Variants in PLXNC1 observed in about 807,000 individuals in gnomAD.
PLXNC1 encodes the protein plexin-C1.
PLXNC1 carries 75 observed loss-of-function variants against 178.2 expected under a neutral mutation model. The observed-to-expected ratio is 0.42, with a 90% CI of 0.35 to 0.51. PLXNC1 has a LOEUF of 0.51. Among genes scored for constraint, PLXNC1 ranks in the 20% least tolerant of loss-of-function variants. The pLI is 0.02. For missense variants in PLXNC1, 1,503 were observed against 1,984.4 expected, an observed-to-expected ratio of 0.76 and a Z score of 4.61; for synonymous variants, 790 against 779.9, an observed-to-expected ratio of 1.01 and a Z score of -0.22.
At chr12:94,225,592 C>A (rs531704746) in intron 7 of PLXNC1, among the ~76,000 whole-genome samples, 1 of 152,156 alleles carries the variant, frequency 6.6e-6, no homozygotes, top group Non-Finnish European at 1.5e-5. Context: ...GTTGAAAGAA[C>A]GTAGCTCCCC....
chr12:94,206,473 A>C (rs1024417355), intron 4 of PLXNC1, among the ~76,000 whole-genome samples: 4 of 143,112 alleles, frequency 2.8e-5, no homozygotes, highest in Admixed American at 7.2e-5. Context: ...TTTTAAATTA[A>C]CTTTTTGGTT....
intron 4 of PLXNC1, among the ~76,000 whole-genome samples, chr12:94,206,794 T>C (rs1444862750): frequency 6.6e-6 from 1 of 152,214 alleles, no homozygotes. Context: ...CTGAAGAAAT[T>C]GAAATGAAGC....
At position 94,260,706 on chromosome 12, in the gene PLXNC1, C is replaced by G. The variant is rs1964969632; in HGVS notation, c.3316C>G (p.Leu1106Val). ...CAAGCTGGTCTACCTGACCAGCATC[C>G]TAGAGGTGCTGACCAGGGACTTGAT... is the stretch of plus-strand genomic sequence containing the variant. Reference protein sequence around the residue: ...QTKLVYLTSILEVLTRDLMEQ... With the variant: ...QTKLVYLTSIVEVLTRDLMEQ... Residue 1106 changes from leucine to valine, a missense_variant, in exon 20 of 31, where the codon CTA becomes GTA. Coordinates refer to ENST00000258526, the MANE Select transcript of PLXNC1 (RefSeq NM_005761.3). This position sits in a 1 kb window ranked among gnomAD's most constrained non-coding sequence, Gnocchi z 4.4. 2 of 1,613,528 alleles carry G rather than the reference C, an allele frequency of 1.2e-6. No homozygotes were observed. Among genetic ancestry groups the G allele is most frequent in the Non-Finnish European group, 1.7e-6 (2 of 1,179,596 alleles).
intron 4 of PLXNC1, among the ~76,000 whole-genome samples, chr12:94,191,781 G>A (rs372964494): frequency 1.5e-5 from 2 of 132,782 alleles, no homozygotes; most frequent in South Asian, 2.6e-4. Flanking sequence ...AAAAAAAAAA[G>A]GGAATAGGCA....
chr12:94,171,872 A>G (rs1364236714), intron 2 of PLXNC1, among the ~76,000 whole-genome samples: 1 of 152,160 alleles, frequency 6.6e-6, no homozygotes, highest in African/African-American at 2.4e-5. Flanking sequence ...ACTCAGGAGA[A>G]GGGTGTGAGG....
Position 94,247,933 on chromosome 12 carries a change from G to A in PLXNC1, c.2419G>A (p.Gly807Arg), listed in dbSNP as rs755554729. ...TGAATATTGTGTGGCGACTTACTGC[G>A]GGTTTTTAGCCCCCAGTTTAAAGAG... is the stretch of plus-strand genomic sequence containing the variant. ...VSEYCVATYCGFLAPSLKSSK... is the reference protein window; with the variant it reads ...VSEYCVATYCRFLAPSLKSSK... The change falls in exon 13 of 31, where the codon GGG becomes AGG. Residue 807 changes from glycine (G) to arginine (R), a missense_variant. This residue lies in a region of PLXNC1 where 639 missense variants were observed against 979.7 expected (regional missense o/e 0.65). Transcript: ENST00000258526. The A allele has an allele frequency of 8.7e-6, 14 of 1,613,986 alleles. No homozygotes were observed. The East Asian group carries it at 8.9e-5, about 10-fold the overall frequency.
At chr12:94,247,470 G>C (rs1218129805) in intron 12 of PLXNC1, among the ~76,000 whole-genome samples, 1 of 152,108 alleles carries the variant, frequency 6.6e-6, no homozygotes, top group Non-Finnish European at 1.5e-5. Flanking sequence ...CTGAGAGTTG[G>C]ACACTTTTCT....
intron 12 of PLXNC1, 39 bp from the exon 13 acceptor site, chr12:94,247,864 T>C: frequency 6.3e-7 from 1 of 1,585,888 alleles, no homozygotes; most frequent in Non-Finnish European, 8.6e-7. Context: ...CTGGGATTCG[T>C]TAACAAAGTT....
chr12:94,243,652 C>G (rs928371890), intron 11 of PLXNC1, among the ~76,000 whole-genome samples: 2 of 152,142 alleles, frequency 1.3e-5, no homozygotes, highest in Non-Finnish European at 2.9e-5. Flanking sequence ...CGATATGACA[C>G]AAACAAAATT....
intron 17 of PLXNC1, 56 bp downstream of exon 17, chr12:94,255,352 C>T: frequency 1.7e-6 from 2 of 1,174,702 alleles, no homozygotes; most frequent in Non-Finnish European, 2.6e-6. Context: ...AATGAAGGTG[C>T]TTGTTGCTGT....
chr12:94,267,203 C>A (rs906510091), intron 21 of PLXNC1, among the ~76,000 whole-genome samples: 1 of 152,198 alleles, frequency 6.6e-6, no homozygotes. Context: ...GCATTTCAGT[C>A]ATGAGACAAC....
chr12:94,304,809 G>A (rs1047925464), intron 30 of PLXNC1, among the ~76,000 whole-genome samples: 12 of 152,184 alleles, frequency 7.9e-5, no homozygotes, highest in African/African-American at 2.9e-4. Flanking sequence ...GGAAGGATCT[G>A]TCTCTGACCA....
chr12:94,175,247 A>G (rs1327990353), intron 2 of PLXNC1, among the ~76,000 whole-genome samples: 1 of 152,208 alleles, frequency 6.6e-6, no homozygotes, highest in Non-Finnish European at 1.5e-5. Context: ...TATGGAAAAA[A>G]ATAATAATAA....
chr12:94,304,615 C>CA (rs1414633516), intron 30 of PLXNC1, among the ~76,000 whole-genome samples: 1 of 152,098 alleles, frequency 6.6e-6, no homozygotes, highest in Non-Finnish European at 1.5e-5. Flanking sequence ...CATGCTGGGA[C>CA]AGGCTATCCA....
intron 1 of PLXNC1, among the ~76,000 whole-genome samples, chr12:94,156,138 G>T (rs1961158832): frequency 6.6e-6 from 1 of 152,140 alleles, no homozygotes; most frequent in Non-Finnish European, 1.5e-5. Context: ...TTATTGTCTG[G>T]ATTCACGAGT....
intron 9 of PLXNC1, among the ~76,000 whole-genome samples, chr12:94,233,848 T>A (rs558365101): frequency 1.3e-5 from 2 of 152,304 alleles, no homozygotes; most frequent in South Asian, 4.1e-4. Flanking sequence ...TACCAATTTA[T>A]ACATTTCATT....
chr12:94,286,051 G>A (rs758381034), intron 23 of PLXNC1, among the ~76,000 whole-genome samples: 33 of 152,208 alleles, frequency 2.2e-4, no homozygotes, highest in Non-Finnish European at 4.0e-4. Flanking sequence ...GTGAAGGCCT[G>A]TCGGGAGAGA....
At chr12:94,156,471 G>A (rs993734339) in intron 1 of PLXNC1, among the ~76,000 whole-genome samples, 6 of 119,002 alleles carry the variant, frequency 5.0e-5, no homozygotes, top group Non-Finnish European at 1.0e-4. Context: ...GATCCCCACT[G>A]TCTATCTTTT....
chr12:94,287,276 T>G (rs1027091039), intron 23 of PLXNC1, among the ~76,000 whole-genome samples: 3 of 152,228 alleles, frequency 2.0e-5, no homozygotes, highest in Admixed American at 6.5e-5. Context: ...GTGCGCTTCC[T>G]TAACTGGATG....
Sources: allele counts gnomAD v4.1 joint callset (sites outside exome capture counted in the v4.1 genomes callset), GRCh38; gene constraint gnomAD v4.1.1; regional missense constraint gnomAD v4.1.1; non-coding constraint Gnocchi (gnomAD v3.1); transcripts MANE v1.5; gene names NCBI Gene and HGNC (gene_info 2026-07-23, HGNC 2026-07-21).